The following CYP7B1 variants were observed in gnomAD, a reference collection of about 807,000 sequenced individuals.
CYP7B1 encodes the protein cytochrome P450 7B1.
A neutral mutation model predicts 42.7 loss-of-function variants in CYP7B1; 29 were observed. The observed-to-expected ratio is 0.68, with a 90% CI of 0.51 to 0.93. CYP7B1 has a LOEUF of 0.93. CYP7B1 is among the 40% of genes least tolerant of loss of function. CYP7B1 has a pLI of 0.00. For synonymous variants in CYP7B1, 235 were observed against 218.2 expected, an observed-to-expected ratio of 1.08 and a Z score of -0.68; for missense variants, 655 against 600.5, an observed-to-expected ratio of 1.09 and a Z score of -0.95.
At chr8:64,586,796 G>A (rs1392969081), downstream of CYP7B1, among the ~76,000 whole-genome samples, 1 of 152,170 alleles carries the variant, frequency 6.6e-6, no homozygotes, top group Non-Finnish European at 1.5e-5. Flanking sequence ...TGTTGTGTGG[G>A]CAAAGTAAAT....
At chr8:64,643,943 ACTTT>A (rs952859910) in intron 1 of CYP7B1, among the ~76,000 whole-genome samples, 20 of 152,252 alleles carry the variant, frequency 1.3e-4, no homozygotes, top group African/African-American at 4.8e-4. Context: ...ATCTGCAGTT[ACTTT>A]CTCCAAGGAA....
chr8:64,736,452 ATTTAT>A (rs1807489111), intron 1 of CYP7B1, among the ~76,000 whole-genome samples: 1 of 152,088 alleles, frequency 6.6e-6, no homozygotes, highest in Non-Finnish European at 1.5e-5. Flanking sequence ...CTGAATTTTT[ATTTAT>A]TTTATTTTTT....
rs865890372 is a variant in CYP7B1 at position 64,604,005 on chromosome 8, T to C, written c.1233+677A>G. 6.6e-5 allele frequency among the ~76,000 whole-genome samples: 10 copies of C among 152,292 alleles called. No individual in the cohort carries two copies. The South Asian group carries it at 8.3e-4, about 13-fold the overall frequency. On this transcript the variant is annotated intron_variant, in intron 5 of 5. Coordinates refer to ENST00000310193, the MANE Select transcript of CYP7B1 (RefSeq NM_004820.5). ...AGGCAGAATAGGACTGCATTCAATT[T>C]GCATGCAGGTGGTGAATCTCTGAAG...
At position 64,691,485 on chromosome 8, in the gene CYP7B1, G is replaced by C. The variant is rs983407261; in HGVS notation, c.123-66946C>G. Reference sequence around the variant, plus strand: ...AACGTATGGTTGCGATGGCAACTGGGGGGGGGGGGTGGTGGTTAAAGCTGG... The same window carrying C: ...AACGTATGGTTGCGATGGCAACTGGCGGGGGGGGGTGGTGGTTAAAGCTGG... On this transcript the variant is annotated intron_variant, in intron 1 of 5. Transcript: ENST00000310193. Among the ~76,000 whole-genome samples, 6 of 149,260 alleles carry C rather than the reference G, an allele frequency of 4.0e-5. 1 individual carries two copies. The highest frequency in any genetic ancestry group is 2.0e-4 in the East Asian group (1 of 5,058).
rs540926310 is a variant in CYP7B1 at position 64,752,739 on chromosome 8, C to A, written c.122+45727G>T. Among the ~76,000 whole-genome samples, 31 of 152,178 alleles carry A rather than the reference C, an allele frequency of 2.0e-4. 1 individual carries two copies. The South Asian group carries it at 6.4e-3, about 32-fold the overall frequency. ...ATGCCTGAAACCTTGATCCTATGTA[C>A]AAATATAGGGTCAAATTTTATATAT... On this transcript the variant is annotated intron_variant, in intron 1 of 5. Transcript: ENST00000310193.
rs1217970611 is a variant in CYP7B1 at position 64,592,147 on chromosome 8, C to T, written c.*4495G>A. ...AGGTTGCAGTGAGCTGAGATCATGCCACTGGACTCCAGCCTGGGCGACAGA... is the reference window on the plus strand; with the variant it reads ...AGGTTGCAGTGAGCTGAGATCATGCTACTGGACTCCAGCCTGGGCGACAGA... On this transcript the variant is annotated 3_prime_UTR_variant, in exon 6 of 6. Coordinates refer to ENST00000310193, the MANE Select transcript of CYP7B1 (RefSeq NM_004820.5). Among the ~76,000 whole-genome samples the T allele has an allele frequency of 6.6e-6, 1 of 151,514 alleles. No homozygotes were observed. The highest frequency in any genetic ancestry group is 2.4e-5 in the African/African-American group (1 of 41,206).
At chr8:64,748,904 G>A (rs1000911012) in intron 1 of CYP7B1, among the ~76,000 whole-genome samples, 1 of 152,130 alleles carries the variant, frequency 6.6e-6, no homozygotes. Flanking sequence ...TCATAGAGCT[G>A]TAGTCTACAG....
intron 1 of CYP7B1, among the ~76,000 whole-genome samples, chr8:64,625,877 C>A (rs941947089): frequency 1.3e-5 from 2 of 151,704 alleles, no homozygotes; most frequent in Non-Finnish European, 2.9e-5. Flanking sequence ...TCTTAAAAAA[C>A]CTTCGATTAT....
chr8:64,798,385 G>A lies in CYP7B1; in HGVS notation c.122+81C>T, dbSNP rs527740287. The A allele has an allele frequency of 4.4e-5, 62 of 1,420,276 alleles. 1 individual carries two copies. The East Asian group carries it at 6.3e-4, about 14-fold the overall frequency. The allele number at this position is 1,420,276 out of a possible 1,614,324, so 88.0% of individuals were successfully genotyped here. ...ACTGTCTGCACTGGAAATCATGGAG[G>A]GGGACTCCCCTCGCCATCTGGGTCG... On this transcript the variant is annotated intron_variant, in intron 1 of 5. Coordinates refer to ENST00000310193, the MANE Select transcript of CYP7B1 (RefSeq NM_004820.5).
At chr8:64,764,988 A>AAAACAC (rs1165120320) in intron 1 of CYP7B1, among the ~76,000 whole-genome samples, 1 of 152,106 alleles carries the variant, frequency 6.6e-6, no homozygotes, top group African/African-American at 2.4e-5. Context: ...AAAAAAAAAA[A>AAAACAC]AAACACAATG....
intron 1 of CYP7B1, among the ~76,000 whole-genome samples, chr8:64,778,255 T>G (rs2129665355): frequency 6.7e-6 from 1 of 149,640 alleles, no homozygotes; most frequent in African/African-American, 2.4e-5. Context: ...TGTATATACA[T>G]ATACTACATA....
At chr8:64,605,168 T>C (rs532648749) in intron 4 of CYP7B1, among the ~76,000 whole-genome samples, 9 of 152,230 alleles carry the variant, frequency 5.9e-5, no homozygotes, top group Non-Finnish European at 1.2e-4. Context: ...GTTATGGGTA[T>C]ATATGCTTGA....
chr8:64,707,082 C>T (rs1439297808), intron 1 of CYP7B1, among the ~76,000 whole-genome samples: 1 of 151,974 alleles, frequency 6.6e-6, no homozygotes, highest in Non-Finnish European at 1.5e-5. Context: ...ACTCCAACAA[C>T]TCAAAAATCC....
intron 2 of CYP7B1, among the ~76,000 whole-genome samples, chr8:64,617,630 C>T (rs1055241763): frequency 6.6e-6 from 1 of 151,914 alleles, no homozygotes; most frequent in Non-Finnish European, 1.5e-5. Context: ...ATCCTAAAAA[C>T]GTTAACATCT....
intron 1 of CYP7B1, among the ~76,000 whole-genome samples, chr8:64,661,004 C>A (rs1806191739): frequency 6.6e-6 from 1 of 152,194 alleles, no homozygotes; most frequent in Non-Finnish European, 1.5e-5. Flanking sequence ...ATTGAAAAAA[C>A]TTTGAAATTT....
intron 1 of CYP7B1, among the ~76,000 whole-genome samples, chr8:64,766,664 C>T (rs1414316875): frequency 3.9e-5 from 6 of 152,186 alleles, no homozygotes; most frequent in Admixed American, 2.6e-4. Context: ...AAAGATTGTC[C>T]GAATAGAAAT....
At chr8:64,775,157 A>C (rs1444410703) in intron 1 of CYP7B1, among the ~76,000 whole-genome samples, 1 of 152,158 alleles carries the variant, frequency 6.6e-6, no homozygotes, top group Non-Finnish European at 1.5e-5. Context: ...TTCCATAAAA[A>C]AAAACACTCT....
chr8:64,746,092 T>C (rs1807639937), intron 1 of CYP7B1, among the ~76,000 whole-genome samples: 1 of 152,078 alleles, frequency 6.6e-6, no homozygotes, highest in Admixed American at 6.6e-5. Context: ...TGGATCTAAG[T>C]TGAATTAAAA....
In CYP7B1 at chr8:64,604,686, G is replaced by A. The variant is rs1585800405; in HGVS notation, c.1229C>T (p.Pro410Leu). ...ATAGGCTTGATGTTTACTTACCTCT[G>A]GAGCTTCAAAGATTTCAGGGTCACC... Reference protein sequence around the residue: ...LHGDPEIFEAPEEFRYDRFIE... With the variant: ...LHGDPEIFEALEEFRYDRFIE... The change falls in exon 5 of 6, where the codon CCA becomes CTA. Residue 410 changes from proline to leucine, a missense_variant. Coordinates refer to ENST00000310193, the MANE Select transcript of CYP7B1 (RefSeq NM_004820.5). 6.2e-7 allele frequency: 1 copy of A among 1,614,022 alleles called. No homozygotes were observed. Among genetic ancestry groups the A allele is most frequent in the East Asian group, 2.2e-5 (1 of 44,872 alleles).
Sources: gnomAD v4.1 joint callset for allele counts (sites outside exome capture counted in the v4.1 genomes callset) on GRCh38, gnomAD v4.1.1 for gene constraint, MANE v1.5 for transcripts, NCBI Gene and HGNC (gene_info 2026-07-23, HGNC 2026-07-21) for gene names.